MAP3K21: variants seen among roughly 807,000 people sequenced by gnomAD.
The protein encoded by MAP3K21 is mitogen-activated protein kinase kinase kinase 21.
In MAP3K21, 63 loss-of-function variants were observed where a neutral mutation model predicts 86.1. The ratio of observed to expected loss-of-function variants is 0.73; its 90% CI spans 0.60 to 0.90. The LOEUF (loss-of-function observed/expected upper bound fraction) is 0.90. MAP3K21 is among the 40% of genes least tolerant of loss of function. The pLI is 0.00. For synonymous variants in MAP3K21, 558 were observed against 564.8 expected (o/e 0.99, Z 0.17); for missense variants, 1,220 against 1,367.7 (o/e 0.89, Z 1.70).
In MAP3K21 at chr1:233,376,073, G is replaced by T. The variant is rs1412937240; in HGVS notation, c.1826+7G>T. 1.3e-6 allele frequency: 2 copies of T among 1,597,814 alleles called. No individual in the cohort carries two copies. Among genetic ancestry groups the T allele is most frequent in the South Asian group, 1.1e-5 (1 of 87,392 alleles). On this transcript the variant is annotated splice_region_variant and intron_variant, in intron 7 of 9. Transcript: ENST00000366624. ...GAACAGATTGCAAAGAAAGGTACGT[G>T]TGTGGTATCTGGTGGTATTCATTGT...
intron 2 of MAP3K21, among the ~76,000 whole-genome samples, chr1:233,347,513 G>C (rs1228722359): frequency 6.6e-6 from 1 of 152,124 alleles, no homozygotes; most frequent in East Asian, 1.9e-4. Context: ...TGTTAATAAA[G>C]AAAATGTGGT....
chr1:233,329,919 G>A (rs940905920), intron 1 of MAP3K21, among the ~76,000 whole-genome samples: 2 of 152,186 alleles, frequency 1.3e-5, no homozygotes, highest in Non-Finnish European at 2.9e-5. Context: ...CTGTATAAAA[G>A]AGCCTATAGA....
intron 1 of MAP3K21, among the ~76,000 whole-genome samples, chr1:233,338,400 C>T (rs1272450632): frequency 1.3e-5 from 2 of 152,144 alleles, no homozygotes; most frequent in Non-Finnish European, 2.9e-5. Flanking sequence ...CCTTAAGGAT[C>T]TTGTATTCTA....
intron 9 of MAP3K21, among the ~76,000 whole-genome samples, chr1:233,382,055 G>A (rs1663925738): frequency 6.6e-6 from 1 of 152,176 alleles, no homozygotes; most frequent in African/African-American, 2.4e-5. Flanking sequence ...CAGGACTTCA[G>A]CCAGGTGTGG....
rs1663800891 is a variant in MAP3K21 at position 233,376,497 on chromosome 1, C to A, written c.1894C>A (p.Pro632Thr). ...TILIKNQKTM[P>T]LASLFVDQPG... ...CTTAATAAAAAATCAGAAAACCATG[C>A]CCTTGGCTTCATTGTTTGTGGACCA... Residue 632 changes from proline (P) to threonine (T), a missense_variant, in exon 8 of 10, where the codon CCC (proline) becomes ACC (threonine). Coordinates refer to ENST00000366624, the MANE Select transcript of MAP3K21 (RefSeq NM_032435.3). 1 of 1,613,444 alleles carries A rather than the reference C, an allele frequency of 6.2e-7. No individual in the cohort carries two copies. The highest frequency in any genetic ancestry group is 8.5e-7 in the Non-Finnish European group (1 of 1,179,654).
chr1:233,366,397 C>T (rs1663574401), intron 5 of MAP3K21, among the ~76,000 whole-genome samples: 1 of 152,112 alleles, frequency 6.6e-6, no homozygotes, highest in Admixed American at 6.6e-5. Context: ...AATACATATG[C>T]TAATTACTCT....
chr1:233,350,221 G>A (rs1489058014), intron 2 of MAP3K21, among the ~76,000 whole-genome samples: 3 of 151,964 alleles, frequency 2.0e-5, no homozygotes, highest in Non-Finnish European at 1.5e-5. Context: ...GTATTGTTTC[G>A]AAAGTTGTAT....
intron 6 of MAP3K21, 85 bp from the exon 7 acceptor site, chr1:233,375,821 TTCACAACTGA>T: frequency 1.1e-6 from 1 of 934,278 alleles, no homozygotes. Context: ...GTAAGGTAGT[TTCACAACTGA>T]TATGATTCAT....
intron 5 of MAP3K21, among the ~76,000 whole-genome samples, chr1:233,368,808 A>G (rs1482129524): frequency 6.6e-6 from 1 of 152,188 alleles, no homozygotes; most frequent in Non-Finnish European, 1.5e-5. Flanking sequence ...TGAACCCTGC[A>G]TAACTTTCTC....
intron 5 of MAP3K21, among the ~76,000 whole-genome samples, chr1:233,365,358 AG>A (rs1296016357): frequency 6.6e-6 from 1 of 152,230 alleles, no homozygotes; most frequent in African/African-American, 2.4e-5. Context: ...GAATGGGAGA[AG>A]ATATTAGTCA....
intron 1 of MAP3K21, among the ~76,000 whole-genome samples, chr1:233,337,530 C>T (rs1314297728): frequency 3.9e-5 from 6 of 152,136 alleles, no homozygotes; most frequent in Admixed American, 6.5e-5. Flanking sequence ...AGCCTAATAA[C>T]GTTACTATTT....
At chr1:233,370,944 C>T (rs1292143478) in intron 5 of MAP3K21, among the ~76,000 whole-genome samples, 1 of 152,178 alleles carries the variant, frequency 6.6e-6, no homozygotes, top group Non-Finnish European at 1.5e-5. Flanking sequence ...AGCAATCAAT[C>T]AAAGCTTAAG....
chr1:233,336,947 A>G (rs1662927909), intron 1 of MAP3K21, among the ~76,000 whole-genome samples: 1 of 152,220 alleles, frequency 6.6e-6, no homozygotes, highest in Admixed American at 6.5e-5. Flanking sequence ...TGCCTGATGT[A>G]TTCTGGCGTA....
In MAP3K21 at chr1:233,383,947, T is replaced by C. The variant is rs1663963049; in HGVS notation, c.*1236T>C. 1 of 152,186 alleles carries C rather than the reference T, an allele frequency of 6.6e-6. No individual in the cohort carries two copies. Among genetic ancestry groups the C allele is most frequent in the South Asian group, 2.1e-4 (1 of 4,828 alleles). The allele number at this position is 152,186 out of a possible 1,614,324, so 9.4% of individuals were successfully genotyped here. ...AATCACTTTTATGGTCATACATATA[T>C]GATACAAATCCAGAGTTATTGGTGC... On this transcript the variant is annotated 3_prime_UTR_variant, in exon 10 of 10. Transcript: ENST00000366624.
rs560786139 is a variant in MAP3K21 at position 233,363,704 on chromosome 1, A to G, written c.1552+1411A>G. On this transcript the variant is annotated intron_variant, in intron 5 of 9. Transcript: ENST00000366624. ...GTGACAAGAGCGAAACTCTGTCTCA[A>G]AAAAAAAAAGAAAGAAAGAAGGCTG... is the stretch of plus-strand genomic sequence containing the variant. Among the ~76,000 whole-genome samples the G allele has an allele frequency of 1.9e-4, 21 of 109,116 alleles. No individual in the cohort carries two copies. In the East Asian group the frequency reaches 3.9e-3, roughly 20 times the overall value. 71.6% of individuals were successfully genotyped at this position (109,116 alleles called of 152,430 possible).
At chr1:233,375,149 G>A (rs771535057) in intron 6 of MAP3K21, among the ~76,000 whole-genome samples, 40 of 151,908 alleles carry the variant, frequency 2.6e-4, no homozygotes, top group East Asian at 9.7e-4. Flanking sequence ...TCACCATGTT[G>A]GCCAGGCTGG....
At chr1:233,372,269 T>A in intron 6 of MAP3K21, 109 bp downstream of exon 6, 1 of 1,292,656 alleles carries the variant, frequency 7.7e-7, no homozygotes, top group Non-Finnish European at 1.1e-6. Flanking sequence ...TAGATGAGTG[T>A]AGGACATTTC....
In MAP3K21 at chr1:233,328,437, C is replaced by T; in HGVS notation, c.409C>T (p.Gln137Ter). 6 of 1,496,034 alleles carry T rather than the reference C, an allele frequency of 4.0e-6. No homozygotes were observed. The highest frequency in any genetic ancestry group is 5.3e-6 in the Non-Finnish European group (6 of 1,131,514). The allele number at this position is 1,496,034 out of a possible 1,614,324, so 92.7% of individuals were successfully genotyped here. ...KELIGAGGFG[Q>*]VYRATWQGQE... is the part of the protein sequence containing the mutation. The stretch of plus-strand genomic sequence containing the variant: ...GCTCATCGGCGCTGGGGGCTTCGGG[C>T]AGGTGTACCGCGCCACCTGGCAGGG... The change falls in exon 1 of 10, where the codon CAG becomes TAG. Residue 137 changes from glutamine (Q) to a stop codon, truncating the protein, a stop_gained. Coordinates refer to ENST00000366624, the MANE Select transcript of MAP3K21 (RefSeq NM_032435.3). LOFTEE classifies it high-confidence loss of function. This position sits in a 1 kb window ranked among gnomAD's most constrained non-coding sequence, Gnocchi z 8.7.
Position 233,379,636 on chromosome 1 carries a change from T to C in MAP3K21, c.2630T>C (p.Val877Ala). 3.1e-6 allele frequency: 5 copies of C among 1,614,038 alleles called. No homozygotes were observed. Among genetic ancestry groups the C allele is most frequent in the Non-Finnish European group, 4.2e-6 (5 of 1,179,968 alleles). ...SSFLQQTCGN[V>A]PYCASSKHRP... ...TTCCTACAGCAGACATGTGGGAATGTACCTTACTGTGCTTCTTCAAAACAT... is the reference window on the plus strand; with the variant it reads ...TTCCTACAGCAGACATGTGGGAATGCACCTTACTGTGCTTCTTCAAAACAT... Residue 877 changes from valine (V) to alanine (A), a missense_variant, in exon 9 of 10, where the codon GTA (valine) becomes GCA (alanine). By Grantham distance (64) the Val-to-Ala change is moderately conservative. Around this residue, in one of 5 missense-constraint regions of MAP3K21, gnomAD observed 632 missense variants for 691.3 expected, o/e 0.91. Coordinates refer to ENST00000366624, the MANE Select transcript of MAP3K21 (RefSeq NM_032435.3).
Sources: gnomAD v4.1 joint callset for allele counts (sites outside exome capture counted in the v4.1 genomes callset) on GRCh38, gnomAD v4.1.1 for gene constraint, gnomAD v4.1.1 regional missense constraint, Gnocchi (gnomAD v3.1) non-coding constraint, MANE v1.5 for transcripts, NCBI Gene and HGNC (gene_info 2026-07-23, HGNC 2026-07-21) for gene names.